UXS1: variants seen among roughly 807,000 people sequenced by gnomAD.
UXS1 encodes UDP-glucuronic acid decarboxylase 1.
In UXS1, 33 loss-of-function variants were observed where a neutral mutation model predicts 62.6. The observed-to-expected ratio is 0.53, with a 90% CI of 0.40 to 0.70. UXS1 has a LOEUF of 0.70. Ranked by LOEUF, UXS1 falls within the 30% of genes least tolerant of loss-of-function variation. The probability of loss-of-function intolerance (pLI) is 0.00; values close to 1 mark genes in which losing one functional copy is unlikely to be tolerated. For missense variants in UXS1, 434 were observed against 556.3 expected (o/e 0.78, Z 2.21); for synonymous variants, 213 against 206.8 (o/e 1.03, Z -0.26).
In UXS1 at chr2:106,104,813, T is replaced by G; in HGVS notation, c.904A>C (p.Arg302=). Residue 302 remains arginine, a synonymous_variant, in exon 11 of 15, where the codon AGG becomes CGG. Coordinates refer to ENST00000283148, the MANE Select transcript of UXS1 (RefSeq NM_001253875.2). Reference sequence around the variant, plus strand: ...TCTTACCTGACGTACTGGAACGCCCTTGTCTGAGACCCGGATCCGTATACC... The same window carrying G: ...TCTTACCTGACGTACTGGAACGCCCGTGTCTGAGACCCGGATCCGTATACC... The part of the protein sequence containing the change: ...LTVYGSGSQT[R]AFQYVSDLVN... The G allele has an allele frequency of 6.2e-7, 1 of 1,613,988 alleles. No individual in the cohort carries two copies. Among genetic ancestry groups the G allele is most frequent in the Non-Finnish European group, 8.5e-7 (1 of 1,179,894 alleles).
rs143653138 is a variant in UXS1 at position 106,098,229 on chromosome 2, T to G, written c.1042+487A>C. On this transcript the variant is annotated intron_variant, in intron 13 of 14. Coordinates refer to ENST00000283148, the MANE Select transcript of UXS1 (RefSeq NM_001253875.2). ...CAATCCAGGGCTGGTCTGGAAGACC[T>G]GACCTTCTCATGGCCTAAGAGTCCA... Among the ~76,000 whole-genome samples, 16 of 152,372 alleles carry G rather than the reference T, an allele frequency of 1.1e-4. No individual in the cohort carries two copies. In the East Asian group the frequency reaches 3.1e-3, roughly 29 times the overall value.
chr2:106,187,804 C>T (rs1050577537), intron 1 of UXS1, among the ~76,000 whole-genome samples: 8 of 151,232 alleles, frequency 5.3e-5, no homozygotes, highest in African/African-American at 1.7e-4. Flanking sequence ...TGCAATGGCA[C>T]GATCTTGGCC....
intron 1 of UXS1, among the ~76,000 whole-genome samples, chr2:106,182,168 A>G (rs535558786): frequency 1.6e-4 from 25 of 152,370 alleles, no homozygotes; most frequent in Non-Finnish European, 3.2e-4. Context: ...ATGGGTGTCC[A>G]ATCTTTTGGA....
At chr2:106,096,622 C>A in intron 14 of UXS1, 96 bp downstream of exon 14, 1 of 1,175,620 alleles carries the variant, frequency 8.5e-7, no homozygotes, top group South Asian at 1.6e-5. Context: ...CTTGCTCCTC[C>A]GGGGGCTGTC....
chr2:106,189,813 C>A (rs534483088), intron 1 of UXS1, among the ~76,000 whole-genome samples: 23 of 152,352 alleles, frequency 1.5e-4, no homozygotes, highest in African/African-American at 5.0e-4. Flanking sequence ...TCTACACTAT[C>A]AATCTATCAG....
intron 6 of UXS1, among the ~76,000 whole-genome samples, chr2:106,130,947 G>C (rs796269496): frequency 6.6e-6 from 1 of 152,136 alleles, no homozygotes; most frequent in Non-Finnish European, 1.5e-5. Flanking sequence ...AGCTCCCAGC[G>C]TGAGCGACGC....
At chr2:106,159,393 G>C (rs1296969467) in intron 4 of UXS1, 1 of 152,156 alleles carries the variant, frequency 6.6e-6, no homozygotes, top group Admixed American at 6.5e-5. Flanking sequence ...CTGGTAAAAC[G>C]ACTGAGCATC....
At chr2:106,156,876 T>C (rs766412581) in intron 5 of UXS1, among the ~76,000 whole-genome samples, 3 of 152,150 alleles carry the variant, frequency 2.0e-5, no homozygotes, top group Non-Finnish European at 4.4e-5. Flanking sequence ...ACTGTATAAA[T>C]AAACTGTGGT....
At chr2:106,139,560 G>A (rs947845389) in intron 6 of UXS1, among the ~76,000 whole-genome samples, 2 of 152,188 alleles carry the variant, frequency 1.3e-5, no homozygotes, top group Non-Finnish European at 2.9e-5. Context: ...CATAGGAGGA[G>A]AACAACTCGG....
chr2:106,191,394 G>C (rs79242931), intron 1 of UXS1, among the ~76,000 whole-genome samples: 116 of 152,350 alleles, frequency 7.6e-4, no homozygotes, highest in Admixed American at 2.5e-3. Context: ...AGAAAACACA[G>C]ACATCACGGT....
chr2:106,179,668 AAC>A (rs1305542185), intron 1 of UXS1: 1 of 152,248 alleles, frequency 6.6e-6, no homozygotes, highest in African/African-American at 2.4e-5. Flanking sequence ...CTGTAAGAAC[AAC>A]AGTTTGAAGG....
intron 4 of UXS1, among the ~76,000 whole-genome samples, chr2:106,161,294 T>C (rs1376000683): frequency 6.6e-6 from 1 of 151,958 alleles, no homozygotes; most frequent in East Asian, 1.9e-4. Flanking sequence ...CTTGTAGAGA[T>C]GAGGTTTCAT....
intron 1 of UXS1, among the ~76,000 whole-genome samples, chr2:106,175,782 C>T (rs997607749): frequency 5.3e-5 from 8 of 152,132 alleles, no homozygotes; most frequent in Non-Finnish European, 1.0e-4. Flanking sequence ...GGGTGTGGTC[C>T]CAGGCATCAC....
chr2:106,127,201 ACATT>A lies in UXS1; in HGVS notation c.578-1526_578-1523del, dbSNP rs1003895210. Among the ~76,000 whole-genome samples the A allele has an allele frequency of 3.3e-5, 5 of 152,306 alleles. No homozygotes were observed. The South Asian group carries it at 8.3e-4, about 25-fold the overall frequency. On this transcript the variant is annotated intron_variant, in intron 7 of 14. Coordinates refer to ENST00000283148, the MANE Select transcript of UXS1 (RefSeq NM_001253875.2). ...ACCTCTACAAGTAAAGCTGCTATGAACATTCACACAGGTTTTCATGTGAACATAA... is the reference window on the plus strand; with the variant it reads ...ACCTCTACAAGTAAAGCTGCTATGAACACACAGGTTTTCATGTGAACATAA...
At chr2:106,137,130 G>GA (rs1440858888) in intron 6 of UXS1, among the ~76,000 whole-genome samples, 2 of 152,054 alleles carry the variant, frequency 1.3e-5, no homozygotes, top group Non-Finnish European at 2.9e-5. Flanking sequence ...TTCGCTGAGA[G>GA]GATCTGTCCA....
rs747422760 is a variant in UXS1, at chr2:106,123,021, G to A, written c.708C>T (p.Tyr236=). The A allele has an allele frequency of 2.8e-5, 45 of 1,613,870 alleles. No homozygotes were observed. The South Asian group carries it at 3.8e-4, about 14-fold the overall frequency. Residue 236 remains tyrosine, a synonymous_variant, in exon 9 of 15, where the codon TAC becomes TAT. Coordinates refer to ENST00000283148, the MANE Select transcript of UXS1 (RefSeq NM_001253875.2). Reference sequence around the variant, plus strand: ...TCTCTGCAACACGTTTGCCTTCATCGTAGCAGGCCCGAGGTCCTATTGGAT... The same window carrying A: ...TCTCTGCAACACGTTTGCCTTCATCATAGCAGGCCCGAGGTCCTATTGGAT... ...HVNPIGPRAC[Y]DEGKRVAETM... is the part of the protein sequence containing the mutation.
At chr2:106,161,870 G>A (rs1271926998) in intron 4 of UXS1, among the ~76,000 whole-genome samples, 1 of 152,094 alleles carries the variant, frequency 6.6e-6, no homozygotes, top group East Asian at 1.9e-4. Flanking sequence ...TTCTTTCCCT[G>A]TACAAATATA....
intron 4 of UXS1, among the ~76,000 whole-genome samples, chr2:106,161,651 A>G (rs953617657): frequency 6.6e-6 from 1 of 152,210 alleles, no homozygotes; most frequent in Non-Finnish European, 1.5e-5. Context: ...ATGCCATTCC[A>G]GATTAAACTT....
intron 9 of UXS1, among the ~76,000 whole-genome samples, chr2:106,114,379 G>T (rs373908018): frequency 2.0e-5 from 3 of 152,128 alleles, no homozygotes; most frequent in Non-Finnish European, 2.9e-5. Flanking sequence ...TTTCTCCACC[G>T]AACTAATGAG....
Sources: allele counts gnomAD v4.1 joint callset (sites outside exome capture counted in the v4.1 genomes callset), GRCh38; gene constraint gnomAD v4.1.1; transcripts MANE v1.5; gene names NCBI Gene and HGNC (gene_info 2026-07-23, HGNC 2026-07-21).